MAF: variants seen among roughly 807,000 people sequenced by gnomAD.
MAF encodes the protein transcription factor Maf.
MAF carries 10 observed loss-of-function variants against 22.0 expected under a neutral mutation model. The observed-to-expected ratio is 0.45, with a 90% confidence interval of 0.28 to 0.77. The LOEUF is 0.77. Ranked by LOEUF, MAF falls within the 30% of genes least tolerant of loss-of-function variation. MAF has a pLI of 0.12. For synonymous variants in MAF, 337 were observed against 255.8 expected (o/e 1.32, Z -3.03); for missense variants, 544 against 548.4 (o/e 0.99, Z 0.08).
the MAF span, among the ~76,000 whole-genome samples, chr16:79,396,753 C>T: frequency 1.3e-5 from 2 of 152,194 alleles, no homozygotes; most frequent in East Asian, 3.9e-4. Flanking sequence ...CCTCCCATAC[C>T]CAGACACTCT....
At chr16:79,582,455 G>T (rs1912578793), downstream of MAF, among the ~76,000 whole-genome samples, 1 of 152,060 alleles carries the variant, frequency 6.6e-6, no homozygotes, top group Admixed American at 6.5e-5. Flanking sequence ...TCCTTCAATA[G>T]TACCCCAGAG....
chr16:79,538,865 GAAAA>G, the MAF span, among the ~76,000 whole-genome samples: 1 of 28,328 alleles, frequency 3.5e-5, no homozygotes, highest in African/African-American at 1.2e-4. Flanking sequence ...GAAAAGAAAA[GAAAA>G]GAAAAGAAAG....
At chr16:79,215,801 A>C in the MAF span, among the ~76,000 whole-genome samples, 1 of 152,228 alleles carries the variant, frequency 6.6e-6, no homozygotes, top group Non-Finnish European at 1.5e-5. Context: ...AAAGGAATTT[A>C]CATCTTGGGT....
the MAF span, among the ~76,000 whole-genome samples, chr16:79,255,114 T>C: frequency 2.0e-5 from 3 of 152,194 alleles, no homozygotes; most frequent in South Asian, 2.1e-4. Context: ...AAGGGCTAAA[T>C]TGTCTCCTGG....
the MAF span, among the ~76,000 whole-genome samples, chr16:79,286,803 C>T: frequency 6.6e-5 from 10 of 152,188 alleles, no homozygotes; most frequent in Admixed American, 3.3e-4. Flanking sequence ...ACCCAGGACA[C>T]AGCTTTGTGT....
chr16:79,517,872 G>T, the MAF span, among the ~76,000 whole-genome samples: 1 of 152,092 alleles, frequency 6.6e-6, no homozygotes, highest in Non-Finnish European at 1.5e-5. Flanking sequence ...ACCGCTTTTG[G>T]CTTAGTCAGC....
chr16:79,559,092 C>T, the MAF span, among the ~76,000 whole-genome samples: 1 of 152,152 alleles, frequency 6.6e-6, no homozygotes, highest in Non-Finnish European at 1.5e-5. Flanking sequence ...TCTGAAACTA[C>T]AGTACAGCTT....
chr16:79,217,068 C>T, the MAF span, among the ~76,000 whole-genome samples: 1,364 of 152,336 alleles, frequency 9.0e-3, 32 homozygotes, highest in African/African-American at 0.03. Flanking sequence ...CCTCAGCCTC[C>T]CAGAGTGCTG....
At chr16:79,398,643 G>C in the MAF span, among the ~76,000 whole-genome samples, 2 of 152,152 alleles carry the variant, frequency 1.3e-5, no homozygotes, top group Non-Finnish European at 2.9e-5. Context: ...GTATGTGTGT[G>C]TGTGTGTTGC....
At chr16:79,249,394 G>A in the MAF span, among the ~76,000 whole-genome samples, 1 of 148,118 alleles carries the variant, frequency 6.8e-6, no homozygotes. Flanking sequence ...ACTCCAGCCT[G>A]GGTGACAGAG....
chr16:79,448,919 T>A, the MAF span, among the ~76,000 whole-genome samples: 566 of 152,280 alleles, frequency 3.7e-3, 3 homozygotes, highest in African/African-American at 0.013. Flanking sequence ...TCAAGCACAT[T>A]ACATTTATTG....
chr16:79,429,456 G>C, the MAF span, among the ~76,000 whole-genome samples: 4 of 152,152 alleles, frequency 2.6e-5, no homozygotes, highest in African/African-American at 9.7e-5. Context: ...GGAGCGCCGT[G>C]CCTCCCTCGC....
At chr16:79,469,133 G>C in the MAF span, among the ~76,000 whole-genome samples, 1 of 152,236 alleles carries the variant, frequency 6.6e-6, no homozygotes, top group East Asian at 1.9e-4. Context: ...CTGGAGCCCT[G>C]CAAGCCCCAT....
chr16:79,324,271 T>G, the MAF span, among the ~76,000 whole-genome samples: 1 of 152,208 alleles, frequency 6.6e-6, no homozygotes, highest in African/African-American at 2.4e-5. Context: ...CAGAACCTGT[T>G]GGTATTACAG....
chr16:79,372,768 G>T, the MAF span, among the ~76,000 whole-genome samples: 2 of 152,284 alleles, frequency 1.3e-5, no homozygotes, highest in Non-Finnish European at 2.9e-5. Flanking sequence ...AAGCCTGTCT[G>T]GTTCAGCTCC....
At chr16:79,347,269 G>T in the MAF span, among the ~76,000 whole-genome samples, 1 of 152,230 alleles carries the variant, frequency 6.6e-6, no homozygotes, top group Non-Finnish European at 1.5e-5. Flanking sequence ...AGTGAGAGGT[G>T]TGCAGACCCA....
chr16:79,233,992 A>C, the MAF span, among the ~76,000 whole-genome samples: 1 of 79,080 alleles, frequency 1.3e-5, no homozygotes, highest in East Asian at 2.7e-4. Context: ...ACTCCATCGC[A>C]AAAAAAAAAA....
chr16:79,215,486 C>T, the MAF span, among the ~76,000 whole-genome samples: 2 of 152,192 alleles, frequency 1.3e-5, no homozygotes, highest in Non-Finnish European at 2.9e-5. Context: ...GGCGTATCAT[C>T]AGCCAAGGTG....
At chr16:79,390,211 G>A in the MAF span, among the ~76,000 whole-genome samples, 1 of 151,874 alleles carries the variant, frequency 6.6e-6, no homozygotes, top group Admixed American at 6.6e-5. Flanking sequence ...CTTGAAAGCC[G>A]GGTTTATTTT....
Sources: gnomAD v4.1 joint callset for allele counts (sites outside exome capture counted in the v4.1 genomes callset) on GRCh38, gnomAD v4.1.1 for gene constraint, MANE v1.5 for transcripts, NCBI Gene and HGNC (gene_info 2026-07-23, HGNC 2026-07-21) for gene names.